PPP2R2D: variants seen among roughly 807,000 people sequenced by gnomAD.
PPP2R2D encodes serine/threonine-protein phosphatase 2A 55 kDa regulatory subunit B delta isoform.
PPP2R2D carries 9 observed loss-of-function variants against 31.1 expected under a neutral mutation model. The observed-to-expected ratio is 0.29, with a 90% CI of 0.17 to 0.51. The LOEUF is 0.51. Ranked by LOEUF, PPP2R2D falls within the 20% of genes least tolerant of loss-of-function variation. The pLI is 0.98. For missense variants in PPP2R2D, 391 were observed against 465.6 expected, an observed-to-expected ratio of 0.84 and a Z score of 1.48; for synonymous variants, 179 against 172.6, an observed-to-expected ratio of 1.04 and a Z score of -0.29.
rs116796395 is a variant in PPP2R2D, at chr10:131,931,265, G to A, written c.101-3193G>A. On this transcript the variant is annotated intron_variant, in intron 2 of 8. Transcript: ENST00000455566. ...TTCAGCCAAACCCTGGTACTGTAGC[G>A]GCTGGTAGTAGTCAGCAGATCTCCA... Among the ~76,000 whole-genome samples, 764 of 152,320 alleles carry A rather than the reference G, an allele frequency of 5.0e-3. 3 individuals carry two copies. Among genetic ancestry groups the A allele is most frequent in the African/African-American group, 0.018 (732 of 41,570 alleles).
the PPP2R2D span, chr10:131,967,232 T>C: frequency 7.3e-6 from 1 of 137,644 alleles, no homozygotes; most frequent in South Asian, 2.3e-4. Flanking sequence ...GACACGTGGT[T>C]GGCTTTGTTG....
At chr10:131,930,697 A>C (rs56229374) in intron 2 of PPP2R2D, among the ~76,000 whole-genome samples, 2,329 of 152,096 alleles carry the variant, frequency 0.015, 29 homozygotes, top group Non-Finnish European at 0.025. Flanking sequence ...AATTTTTAGA[A>C]TCTCCTTTTT....
intron 2 of PPP2R2D, among the ~76,000 whole-genome samples, chr10:131,925,075 G>C (rs2036077679): frequency 6.6e-6 from 1 of 152,152 alleles, no homozygotes; most frequent in Admixed American, 6.5e-5. Context: ...AGGATTTCCT[G>C]TATACAATAT....
chr10:131,909,901 A>C (rs1334847285), intron 2 of PPP2R2D, among the ~76,000 whole-genome samples: 1 of 152,264 alleles, frequency 6.6e-6, no homozygotes, highest in Admixed American at 6.5e-5. Context: ...AACTTTTCAA[A>C]AACAAAAAGA....
chr10:131,906,758 C>CG (rs2035593196), intron 2 of PPP2R2D, among the ~76,000 whole-genome samples: 1 of 101,766 alleles, frequency 9.8e-6, no homozygotes, highest in Non-Finnish European at 2.1e-5. Context: ...TTGTCTCTAC[C>CG]AAAAAAAAAA....
chr10:131,938,346 G>A (rs1190719255), intron 3 of PPP2R2D, among the ~76,000 whole-genome samples: 5 of 152,158 alleles, frequency 3.3e-5, no homozygotes, highest in African/African-American at 9.7e-5. Flanking sequence ...GAAAGTACTG[G>A]CGTCCTTGAT....
At chr10:131,949,250 A>G (rs2036598507) in intron 8 of PPP2R2D, among the ~76,000 whole-genome samples, 1 of 152,198 alleles carries the variant, frequency 6.6e-6, no homozygotes, top group Non-Finnish European at 1.5e-5. Flanking sequence ...TGGCTGATGC[A>G]CACTGAGCTT....
chr10:131,939,881 T>C, intron 3 of PPP2R2D, 150 bp from the exon 4 acceptor site: 1 of 416,126 alleles, frequency 2.4e-6, no homozygotes, highest in Admixed American at 4.2e-5. Flanking sequence ...TTTTTTTTTT[T>C]TTTCCCTGAG....
chr10:131,929,507 C>T lies in PPP2R2D; in HGVS notation c.101-4951C>T, dbSNP rs562518738. 2.0e-5 allele frequency among the ~76,000 whole-genome samples: 3 copies of T among 152,298 alleles called. No individual in the cohort carries two copies. The South Asian group carries it at 6.2e-4, about 32-fold the overall frequency. ...TACTGGGAGGCAGGCCTGCATTTCTCAAGACTCGTCACTCTTCTCTCTTCT... is the reference window on the plus strand; with the variant it reads ...TACTGGGAGGCAGGCCTGCATTTCTTAAGACTCGTCACTCTTCTCTCTTCT... On this transcript the variant is annotated intron_variant, in intron 2 of 8. Transcript: ENST00000455566.
At chr10:131,919,263 G>C (rs1359391793) in intron 2 of PPP2R2D, among the ~76,000 whole-genome samples, 2 of 104,894 alleles carry the variant, frequency 1.9e-5, no homozygotes, top group Non-Finnish European at 3.9e-5. Flanking sequence ...GGGACCTCAC[G>C]TGGGTGGAAT....
rs1554899957 is a variant in PPP2R2D at position 131,956,169 on chromosome 10, G to T, written c.*206G>T. Reference sequence around the variant, plus strand: ...CGAGACAGGCGCTGCTGCTCACGTGGAGACGCTCTCGAAGCAGAGTTGACG... The same window carrying T: ...CGAGACAGGCGCTGCTGCTCACGTGTAGACGCTCTCGAAGCAGAGTTGACG... On this transcript the variant is annotated 3_prime_UTR_variant, in exon 9 of 9. Transcript: ENST00000455566. The T allele has an allele frequency of 6.5e-6, 8 of 1,233,098 alleles. No homozygotes were observed. The highest frequency in any genetic ancestry group is 8.1e-6 in the Non-Finnish European group (8 of 989,018). The allele number at this position is 1,233,098 out of a possible 1,614,324, so 76.4% of individuals were successfully genotyped here.
chr10:131,936,363 C>T (rs2119820173), intron 3 of PPP2R2D, among the ~76,000 whole-genome samples: 1 of 152,072 alleles, frequency 6.6e-6, no homozygotes, highest in East Asian at 2.0e-4. Flanking sequence ...CCAGGTTGGT[C>T]TTGAACTCCT....
intron 2 of PPP2R2D, among the ~76,000 whole-genome samples, chr10:131,932,646 C>CAA (rs368610703): frequency 0.1 from 5,769 of 57,364 alleles, 413 homozygotes; most frequent in East Asian, 0.28. Flanking sequence ...CAGCCTGTCT[C>CAA]AAAAAAAAAA....
chr10:131,961,365 C>T (rs2120115642), downstream of PPP2R2D, among the ~76,000 whole-genome samples: 1 of 152,306 alleles, frequency 6.6e-6, no homozygotes, highest in Middle Eastern at 3.4e-3. Flanking sequence ...CCCCACAGGG[C>T]TGTCACAGCT....
In PPP2R2D at chr10:131,923,917, C is replaced by T. The variant is rs1022725597; in HGVS notation, c.101-10541C>T. ...GACTGCAGATACACACCACCACAGC[C>T]GGCTAACTTTTAAAAAATTTTTGAT... On this transcript the variant is annotated intron_variant, in intron 2 of 8. Transcript: ENST00000455566. 5.0e-4 allele frequency among the ~76,000 whole-genome samples: 76 copies of T among 152,038 alleles called. 1 individual carries two copies. Among genetic ancestry groups the T allele is most frequent in the Admixed American group, 4.5e-3 (68 of 15,258 alleles).
rs1441028845 is a variant in PPP2R2D at position 131,947,384 on chromosome 10, A to G, written c.821-146A>G. On this transcript the variant is annotated intron_variant, in intron 7 of 8. Coordinates refer to ENST00000455566, the MANE Select transcript of PPP2R2D (RefSeq NM_018461.5). The surrounding 1 kb of genome is among the most constrained non-coding windows in gnomAD (Gnocchi z 4.3). ...GAAGTCACAGAAGATCAGAAAACCT[A>G]GAGAATCAGAAAGATCAGAAGACCT... is the stretch of plus-strand genomic sequence containing the variant. 2 of 818,012 alleles carry G rather than the reference A, an allele frequency of 2.4e-6. No homozygotes were observed. Among genetic ancestry groups the G allele is most frequent in the African/African-American group, 3.5e-5 (2 of 57,752 alleles). 50.7% of individuals were successfully genotyped at this position (818,012 alleles called of 1,614,324 possible). A position where few individuals can be genotyped will look rare whatever the true frequency, so the allele number is the denominator to read the frequency against.
intron 5 of PPP2R2D, among the ~76,000 whole-genome samples, chr10:131,941,887 T>C (rs933193766): frequency 1.3e-5 from 2 of 152,222 alleles, no homozygotes; most frequent in Non-Finnish European, 2.9e-5. Flanking sequence ...AGAAAGGCTG[T>C]GGCATTTGCT....
At chr10:131,904,063 G>A (rs1287053937) in intron 2 of PPP2R2D, among the ~76,000 whole-genome samples, 1 of 152,144 alleles carries the variant, frequency 6.6e-6, no homozygotes, top group Non-Finnish European at 1.5e-5. Flanking sequence ...AATTAGCCAG[G>A]CGTGGCAGGG....
At chr10:131,968,841 T>G in the PPP2R2D span, 5 of 326,668 alleles carry the variant, frequency 1.5e-5, no homozygotes, top group African/African-American at 8.4e-5. Context: ...ACAGAAAGCT[T>G]CTGCTTTGTT....
Sources: allele counts gnomAD v4.1 joint callset (sites outside exome capture counted in the v4.1 genomes callset), GRCh38; gene constraint gnomAD v4.1.1; non-coding constraint Gnocchi (gnomAD v3.1); transcripts MANE v1.5; gene names NCBI Gene and HGNC (gene_info 2026-07-23, HGNC 2026-07-21).